ACYP2: variants seen among roughly 807,000 people sequenced by gnomAD.
The protein encoded by ACYP2 is acylphosphatase 2.
A neutral mutation model predicts 11.2 loss-of-function variants in ACYP2; 12 were observed. That is an observed-to-expected ratio of 1.08 (90% CI 0.69 to 1.74). The LOEUF (loss-of-function observed/expected upper bound fraction) is 1.74, where lower values mean the gene tolerates loss of function less well. Among genes scored for constraint, ACYP2 ranks in the 40% most tolerant of loss-of-function variants. The pLI is 0.00. For synonymous variants in ACYP2, 43 were observed against 32.2 expected (o/e 1.33, Z -1.13); for missense variants, 134 against 101.9 (o/e 1.31, Z -1.35).
intron 4 of ACYP2, among the ~76,000 whole-genome samples, chr2:54,091,775 G>C (rs1316587031): frequency 2.0e-5 from 3 of 152,114 alleles, no homozygotes; most frequent in Admixed American, 6.6e-5. Flanking sequence ...GCCTCCCAAA[G>C]TGCGGGGATT....
At chr2:54,169,514 A>G (rs1455637174) in intron 6 of ACYP2, among the ~76,000 whole-genome samples, 1 of 151,560 alleles carries the variant, frequency 6.6e-6, no homozygotes, top group East Asian at 1.9e-4. Context: ...GCCTCATGCA[A>G]CCCTCCTGCC....
At chr2:54,195,773 A>G (rs1299265956) in intron 6 of ACYP2, among the ~76,000 whole-genome samples, 3 of 124,510 alleles carry the variant, frequency 2.4e-5, no homozygotes, top group Admixed American at 7.8e-5. Flanking sequence ...AGAGGGGTAC[A>G]TTGTCATCGT....
At chr2:54,276,879 T>C (rs1172637694) in intron 6 of ACYP2, among the ~76,000 whole-genome samples, 3 of 152,178 alleles carry the variant, frequency 2.0e-5, no homozygotes, top group Non-Finnish European at 2.9e-5. Context: ...CTCACAAAAG[T>C]GGGGTCATCC....
intron 6 of ACYP2, among the ~76,000 whole-genome samples, chr2:54,262,940 C>T (rs765033343): frequency 6.6e-6 from 1 of 152,074 alleles, no homozygotes; most frequent in Non-Finnish European, 1.5e-5. Context: ...GGTTTAGAAG[C>T]TGGGTGTAGT....
intron 6 of ACYP2, among the ~76,000 whole-genome samples, chr2:54,190,117 C>G (rs1239080696): frequency 5.3e-5 from 8 of 152,140 alleles, no homozygotes; most frequent in African/African-American, 1.9e-4. Flanking sequence ...AATCCTTTAT[C>G]AGATACAGGG....
intron 6 of ACYP2, among the ~76,000 whole-genome samples, chr2:54,224,848 A>G (rs1398662189): frequency 1.3e-5 from 2 of 152,242 alleles, no homozygotes; most frequent in African/African-American, 4.8e-5. Context: ...TTTAGATGAA[A>G]GAAATATACA....
intron 2 of ACYP2, chr2:53,975,306 A>C (rs1175013299): frequency 5.0e-6 from 2 of 398,400 alleles, no homozygotes; most frequent in Non-Finnish European, 8.8e-6. Flanking sequence ...GGAAAAGTTG[A>C]AGAATTTACG....
At chr2:54,196,146 G>A (rs1572917570) in intron 6 of ACYP2, among the ~76,000 whole-genome samples, 1 of 152,034 alleles carries the variant, frequency 6.6e-6, no homozygotes, top group African/African-American at 2.4e-5. Context: ...AAGAGAAAGG[G>A]CTGAATGTGT....
intron 2 of ACYP2, among the ~76,000 whole-genome samples, chr2:53,990,106 G>A (rs1310149217): frequency 6.6e-6 from 1 of 151,328 alleles, no homozygotes; most frequent in Non-Finnish European, 1.5e-5. Context: ...AGCCTCCGGA[G>A]TAGCTGGGTC....
At chr2:54,092,110 G>A (rs568069953) in intron 4 of ACYP2, among the ~76,000 whole-genome samples, 1 of 152,184 alleles carries the variant, frequency 6.6e-6, no homozygotes. Flanking sequence ...GTTTCCAGCA[G>A]AGGTACTGGA....
chr2:54,037,805 A>G (rs868156957), intron 2 of ACYP2, among the ~76,000 whole-genome samples: 2 of 152,236 alleles, frequency 1.3e-5, no homozygotes, highest in African/African-American at 4.8e-5. Context: ...AAGACTTTTA[A>G]TAAGCTAGGT....
intron 6 of ACYP2, among the ~76,000 whole-genome samples, chr2:54,144,158 A>T (rs990937287): frequency 1.3e-5 from 2 of 151,772 alleles, no homozygotes. Context: ...TTTTTTGTGG[A>T]GGTGAGGTCT....
chr2:54,035,074 A>G (rs998769718), intron 2 of ACYP2, among the ~76,000 whole-genome samples: 2 of 147,214 alleles, frequency 1.4e-5, no homozygotes, highest in African/African-American at 5.0e-5. Context: ...TTGAGTCCTC[A>G]CACACTGACA....
chr2:54,255,144 G>C (rs771386088), intron 6 of ACYP2: 2 of 1,614,006 alleles, frequency 1.2e-6, no homozygotes, highest in East Asian at 2.2e-5. Context: ...TGAAGGACTG[G>C]GGTCCATGGC....
At position 54,128,556 on chromosome 2, in the gene ACYP2, A is replaced by C. The variant is rs528296971; in HGVS notation, c.278-6897A>C. 3.9e-5 allele frequency among the ~76,000 whole-genome samples: 6 copies of C among 152,228 alleles called. No individual in the cohort carries two copies. In the South Asian group the frequency reaches 1.2e-3, roughly 32 times the overall value. On this transcript the variant is annotated intron_variant, in intron 4 of 6. Coordinates refer to ENST00000607452, the MANE Select transcript of ACYP2 (RefSeq NM_001320586.2). ...GTGGTGTGCACCTGTAGTTCTAGCTACTTGGAATGTTGAGGTGAGAGAATT... is the reference window on the plus strand; with the variant it reads ...GTGGTGTGCACCTGTAGTTCTAGCTCCTTGGAATGTTGAGGTGAGAGAATT...
intron 6 of ACYP2, among the ~76,000 whole-genome samples, chr2:54,166,467 G>A (rs1337396060): frequency 6.6e-6 from 1 of 152,128 alleles, no homozygotes; most frequent in Non-Finnish European, 1.5e-5. Flanking sequence ...ACTGAATAAA[G>A]GATTTTAACT....
intron 6 of ACYP2, among the ~76,000 whole-genome samples, chr2:54,198,776 C>T (rs1684625489): frequency 6.6e-6 from 1 of 152,212 alleles, no homozygotes; most frequent in South Asian, 2.1e-4. Context: ...TCCAGAATCA[C>T]TGATATTACC....
At chr2:54,078,779 G>C (rs935768739) in intron 4 of ACYP2, among the ~76,000 whole-genome samples, 1 of 151,914 alleles carries the variant, frequency 6.6e-6, no homozygotes, top group South Asian at 2.1e-4. Context: ...TCTATTTTTA[G>C]TAGAGATGTA....
intron 2 of ACYP2, chr2:53,975,240 AT>A (rs397932521): frequency 2.5e-6 from 1 of 397,900 alleles, no homozygotes; most frequent in African/African-American, 2.1e-5. Context: ...AAAAAAAAAA[AT>A]TCAGAGAAGC....
Sources: allele counts gnomAD v4.1 joint callset (sites outside exome capture counted in the v4.1 genomes callset), GRCh38; gene constraint gnomAD v4.1.1; transcripts MANE v1.5; gene names NCBI Gene and HGNC (gene_info 2026-07-23, HGNC 2026-07-21).